Variants in AK1 observed in about 807,000 individuals in gnomAD.
AK1 encodes the protein adenylate kinase 1, also known as adenylate kinase isoenzyme 1.
In AK1, 13 loss-of-function variants were observed where a neutral mutation model predicts 23.9. That is an observed-to-expected ratio of 0.54 (90% CI 0.35 to 0.86). The LOEUF (loss-of-function observed/expected upper bound fraction) is 0.86. Among genes scored for constraint, AK1 ranks in the 40% least tolerant of loss-of-function variants. The pLI, the probability that AK1 is intolerant of heterozygous loss-of-function variation, is 0.01. For synonymous variants in AK1, 97 were observed against 102.8 expected, an observed-to-expected ratio of 0.94 and a Z score of 0.34; for missense variants, 214 against 255.1, an observed-to-expected ratio of 0.84 and a Z score of 1.10.
intron 2 of AK1, chr9:127,873,455 G>A (rs747441793): frequency 4.0e-5 from 61 of 1,515,818 alleles, no homozygotes; most frequent in Non-Finnish European, 4.5e-5. Flanking sequence ...CCATGGTCCC[G>A]TCCTGCCGTG....
chr9:127,874,154 G>A (rs1012196259), intron 2 of AK1: 24 of 985,282 alleles, frequency 2.4e-5, no homozygotes, highest in South Asian at 1.4e-4. Flanking sequence ...GGGCGGGCCC[G>A]TTCTGGACTC....
upstream of AK1, among the ~76,000 whole-genome samples, chr9:127,879,143 G>C (rs948992362): frequency 6.6e-6 from 1 of 151,498 alleles, no homozygotes; most frequent in Non-Finnish European, 1.5e-5. Context: ...TTTGTTTCAA[G>C]GAAACATGTG....
intron 2 of AK1, chr9:127,873,817 C>T (rs1208508421): frequency 1.0e-6 from 1 of 985,350 alleles, no homozygotes; most frequent in Non-Finnish European, 1.2e-6. Flanking sequence ...AAATAGAGGA[C>T]CAGGCTGTAT....
At chr9:127,879,082 C>T (rs1829595280), upstream of AK1, among the ~76,000 whole-genome samples, 1 of 151,234 alleles carries the variant, frequency 6.6e-6, no homozygotes, top group Non-Finnish European at 1.5e-5. Flanking sequence ...CACACACACA[C>T]ACACACACAC....
rs963472974 is a variant in AK1, at chr9:127,877,066, CCTGCTG to C, written c.-33+551_-33+556del. Among the ~76,000 whole-genome samples, 2 of 152,122 alleles carry C rather than the reference CCTGCTG, an allele frequency of 1.3e-5. No individual in the cohort carries two copies. Among genetic ancestry groups the C allele is most frequent in the African/African-American group, 4.8e-5 (2 of 41,408 alleles). ...GTTGGTGTCCCCTCTCTGGGCCTGT[CCTGCTG>C]CTGCTGAGGAGTACCAGGCGGCCAC... On this transcript the variant is annotated intron_variant, in intron 1 of 6. Transcript: ENST00000644144. The surrounding 1 kb of genome is among the most constrained non-coding windows in gnomAD (Gnocchi z 5.2).
rs1829299898 is a variant in AK1, at chr9:127,868,401, T to C, written c.436A>G (p.Ile146Val). The change falls in exon 6 of 7, where the codon ATC (isoleucine) becomes GTC (valine). Residue 146 changes from isoleucine to valine, a missense_variant. Physicochemically the swap from Ile to Val is conservative, Grantham distance 29 (BLOSUM62 3). Transcript: ENST00000644144. This position sits in a 1 kb window ranked among gnomAD's most constrained non-coding sequence, Gnocchi z 4.1. Reference sequence around the variant, plus strand: ...TAATAGGTCTCCAGCCGCTTTTTGATGGTCTCCTCATTGTCGTCCACACGC... The same window carrying C: ...TAATAGGTCTCCAGCCGCTTTTTGACGGTCTCCTCATTGTCGTCCACACGC... ...SGRVDDNEET[I>V]KKRLETYYKA... 6.2e-7 allele frequency: 1 copy of C among 1,612,628 alleles called. No individual in the cohort carries two copies. Among genetic ancestry groups the C allele is most frequent in the Non-Finnish European group, 8.5e-7 (1 of 1,179,512 alleles).
At chr9:127,876,656 C>T (rs549723620) in intron 1 of AK1, among the ~76,000 whole-genome samples, 8 of 149,516 alleles carry the variant, frequency 5.4e-5, no homozygotes, top group Admixed American at 2.0e-4. Flanking sequence ...GCCTCGACCC[C>T]GCCCTGCCCC....
chr9:127,876,670 C>T (rs1829544852), intron 1 of AK1, among the ~76,000 whole-genome samples: 1 of 151,816 alleles, frequency 6.6e-6, no homozygotes, highest in Non-Finnish European at 1.5e-5. Flanking sequence ...CTGCCCCGCC[C>T]CCCTCCTGGT....
rs77787745 is a variant in AK1 at position 127,866,776 on chromosome 9, C to T, written c.*1232G>A. ...GGTGTCCCCAAGTCATCCGGGGCCC[C>T]GCACGCTTCGGGCCATGCTGTTCTG... On this transcript the variant is annotated 3_prime_UTR_variant, in exon 7 of 7. Transcript: ENST00000644144. 6 of 152,248 alleles carry T rather than the reference C, an allele frequency of 3.9e-5. No individual in the cohort carries two copies. The highest frequency in any genetic ancestry group is 1.2e-4 in the African/African-American group (5 of 41,462). 9.4% of individuals were successfully genotyped at this position (152,248 alleles called of 1,614,324 possible).
chr9:127,872,981 G>A (rs1325009480), intron 3 of AK1, 45 bp downstream of exon 3: 1 of 1,613,672 alleles, frequency 6.2e-7, no homozygotes, highest in Non-Finnish European at 8.5e-7. Context: ...TCCCTCCAGT[G>A]CCAGTGAAGA....
chr9:127,873,918 G>A, intron 2 of AK1: 1 of 985,422 alleles, frequency 1.0e-6, no homozygotes, highest in Non-Finnish European at 1.2e-6. Context: ...GGCTCCCAGG[G>A]GCCCTCCCAG....
intron 2 of AK1, 84 bp from the exon 3 acceptor site, chr9:127,873,145 G>A: frequency 6.4e-7 from 1 of 1,569,006 alleles, no homozygotes; most frequent in South Asian, 1.2e-5. Flanking sequence ...GGCCTGTGCT[G>A]GGCCCCAGGC....
At chr9:127,870,843 AT>A (rs1829387480) in intron 5 of AK1, among the ~76,000 whole-genome samples, 1 of 148,010 alleles carries the variant, frequency 6.8e-6, no homozygotes, top group Non-Finnish European at 1.5e-5. Flanking sequence ...GGGCATGGGG[AT>A]GGGAGTCTTA....
intron 2 of AK1, chr9:127,873,820 G>T (rs1252239924): frequency 6.1e-6 from 6 of 985,338 alleles, no homozygotes; most frequent in Non-Finnish European, 7.2e-6. Context: ...TAGAGGACCA[G>T]GCTGTATCCC....
At chr9:127,870,257 A>G (rs1829360698) in intron 5 of AK1, among the ~76,000 whole-genome samples, 1 of 143,260 alleles carries the variant, frequency 7.0e-6, no homozygotes, top group Non-Finnish European at 1.5e-5. Context: ...GCTTGAGTGC[A>G]ATGGCGTGAT....
rs1829313564 is a variant in AK1, at chr9:127,868,829, GC to G, written c.325-318del. Among the ~76,000 whole-genome samples the G allele has an allele frequency of 3.3e-5, 5 of 152,226 alleles. No homozygotes were observed. In the South Asian group the frequency reaches 1.0e-3, roughly 32 times the overall value. On this transcript the variant is annotated intron_variant, in intron 5 of 6. Transcript: ENST00000644144. The surrounding 1 kb of genome is among the most constrained non-coding windows in gnomAD (Gnocchi z 4.1). ...GCTCATGCTGTTCCCTCTGCTAGGAGCCCTCTCCCCCGAGCCTGATCCTAAC... is the reference window on the plus strand; with the variant it reads ...GCTCATGCTGTTCCCTCTGCTAGGAGCCTCTCCCCCGAGCCTGATCCTAAC...
chr9:127,870,970 TA>T (rs1459238159), intron 5 of AK1, among the ~76,000 whole-genome samples: 1 of 151,586 alleles, frequency 6.6e-6, no homozygotes, highest in Non-Finnish European at 1.5e-5. Flanking sequence ...GACACCGAGG[TA>T]AAAGTGTATG....
upstream of AK1, among the ~76,000 whole-genome samples, chr9:127,879,066 A>AAC (rs35534101): frequency 0.16 from 23,314 of 145,834 alleles, 1,802 homozygotes; most frequent in South Asian, 0.25. Context: ...CTAAAAATAA[A>AAC]ACACACACAC....
In AK1 at chr9:127,867,873, A is replaced by G. The variant is rs551825170; in HGVS notation, c.*135T>C. The G allele has an allele frequency of 2.0e-4, 164 of 839,946 alleles. No homozygotes were observed. The East Asian group carries it at 3.9e-3, about 20-fold the overall frequency. The allele number at this position is 839,946 out of a possible 1,614,324, so 52.0% of individuals were successfully genotyped here. ...AAATTCCTTTAGTGCTCAGCTGTCC[A>G]TGAAAACAGGATAAGCGGCTTCCTC... On this transcript the variant is annotated 3_prime_UTR_variant, in exon 7 of 7. Transcript: ENST00000644144.
Sources: allele counts gnomAD v4.1 joint callset (sites outside exome capture counted in the v4.1 genomes callset), GRCh38; gene constraint gnomAD v4.1.1; non-coding constraint Gnocchi (gnomAD v3.1); transcripts MANE v1.5; gene names NCBI Gene and HGNC (gene_info 2026-07-23, HGNC 2026-07-21).